Variants in SLC71A1 observed in about 807,000 individuals in gnomAD.
SLC71A1 encodes the protein hippocampus abundant gene transcript 1.
chr1:100,073,232 A>T, the SLC71A1 span, among the ~76,000 whole-genome samples: 1 of 152,224 alleles, frequency 6.6e-6, no homozygotes, highest in South Asian at 2.1e-4. Flanking sequence ...AGCCGTGGCC[A>T]TATCTTCCAT....
At chr1:100,041,876 A>G in the SLC71A1 span, among the ~76,000 whole-genome samples, 5 of 152,088 alleles carry the variant, frequency 3.3e-5, no homozygotes, top group African/African-American at 4.8e-5. Context: ...GTGAGCCTAG[A>G]TCACGCCACT....
the SLC71A1 span, among the ~76,000 whole-genome samples, chr1:100,047,722 G>A: frequency 2.0e-5 from 3 of 152,194 alleles, no homozygotes; most frequent in East Asian, 1.9e-4. Context: ...GCGCCCGGCC[G>A]ATGAATGATC....
the SLC71A1 span, among the ~76,000 whole-genome samples, chr1:100,071,403 C>T: frequency 5.3e-5 from 8 of 150,612 alleles, no homozygotes; most frequent in African/African-American, 1.5e-4. Context: ...CCTGGGAGGT[C>T]GAGGGTGCAG....
chr1:100,058,806 C>CAT, the SLC71A1 span: 12 of 739,588 alleles, frequency 1.6e-5, no homozygotes, highest in Non-Finnish European at 2.6e-5. Context: ...TACATAAATA[C>CAT]ATATATATAA....
chr1:100,051,119 G>A, the SLC71A1 span, among the ~76,000 whole-genome samples: 72 of 150,674 alleles, frequency 4.8e-4, no homozygotes, highest in Middle Eastern at 3.5e-3. Flanking sequence ...ACAGCCGGGC[G>A]CGGTGGCTCA....
At chr1:100,056,847 A>G in the SLC71A1 span, among the ~76,000 whole-genome samples, 1,594 of 152,214 alleles carry the variant, frequency 0.01, 15 homozygotes, top group Middle Eastern at 0.058. Context: ...ATCCTTGCCT[A>G]TCTTTTGGAT....
the SLC71A1 span, among the ~76,000 whole-genome samples, chr1:100,065,704 C>T: frequency 5.6e-5 from 6 of 107,266 alleles, no homozygotes; most frequent in African/African-American, 2.3e-4. Context: ...AGCCTTTTCC[C>T]TAAGCCTTTT....
At chr1:100,074,477 G>A in the SLC71A1 span, among the ~76,000 whole-genome samples, 1 of 152,058 alleles carries the variant, frequency 6.6e-6, no homozygotes, top group East Asian at 1.9e-4. Flanking sequence ...TACTCGGGAG[G>A]CTGAGGCAGG....
chr1:100,038,991 C>T, the SLC71A1 span, among the ~76,000 whole-genome samples: 1 of 152,170 alleles, frequency 6.6e-6, no homozygotes, highest in Non-Finnish European at 1.5e-5. Context: ...GTCTTAAGAT[C>T]AAAAGTATTA....
At chr1:100,058,516 GTTAT>G in the SLC71A1 span, 1 of 591,406 alleles carries the variant, frequency 1.7e-6, no homozygotes, top group South Asian at 2.0e-5. Flanking sequence ...TAAATATTTG[GTTAT>G]TAATGGTCAT....
chr1:100,076,461 C>T, the SLC71A1 span, among the ~76,000 whole-genome samples: 1 of 152,166 alleles, frequency 6.6e-6, no homozygotes, highest in African/African-American at 2.4e-5. Flanking sequence ...TGTTTATTAA[C>T]CGCTGATTAT....
At chr1:100,076,583 C>CA in the SLC71A1 span, among the ~76,000 whole-genome samples, 43 of 152,228 alleles carry the variant, frequency 2.8e-4, no homozygotes, top group African/African-American at 9.9e-4. Flanking sequence ...AAGTGAGGCT[C>CA]AAAGTGAAGT....
chr1:100,070,292 A>G, the SLC71A1 span, among the ~76,000 whole-genome samples: 1 of 152,172 alleles, frequency 6.6e-6, no homozygotes, highest in Non-Finnish European at 1.5e-5. Context: ...GAAGAAGAGA[A>G]TTTTAAACAG....
chr1:100,045,727 T>C, the SLC71A1 span, among the ~76,000 whole-genome samples: 1 of 152,138 alleles, frequency 6.6e-6, no homozygotes, highest in Non-Finnish European at 1.5e-5. Context: ...TTTTTATTTT[T>C]TGAGACAGAG....
chr1:100,040,060 G>T, the SLC71A1 span, among the ~76,000 whole-genome samples: 1 of 152,146 alleles, frequency 6.6e-6, no homozygotes, highest in Non-Finnish European at 1.5e-5. Flanking sequence ...TTTCTTGAGG[G>T]CTGTGAACAT....
the SLC71A1 span, among the ~76,000 whole-genome samples, chr1:100,053,375 T>A: frequency 1.3e-5 from 2 of 151,988 alleles, no homozygotes; most frequent in Non-Finnish European, 2.9e-5. Context: ...AACATTTCAT[T>A]TCTGTTTTAT....
At chr1:100,066,583 G>A in the SLC71A1 span, among the ~76,000 whole-genome samples, 2 of 152,142 alleles carry the variant, frequency 1.3e-5, no homozygotes, top group Non-Finnish European at 2.9e-5. Context: ...GCGTGGCCCA[G>A]GGAAGCCAAA....
chr1:100,072,922 C>T, the SLC71A1 span, among the ~76,000 whole-genome samples: 1 of 152,162 alleles, frequency 6.6e-6, no homozygotes, highest in African/African-American at 2.4e-5. Context: ...CCCACACTTA[C>T]TCTTCCAGTC....
the SLC71A1 span, chr1:100,062,168 T>A: frequency 2.4e-6 from 1 of 421,190 alleles, no homozygotes; most frequent in African/African-American, 2.1e-5. Context: ...ATAAGTCACA[T>A]GTCAGAATTG....
Sources: allele counts gnomAD v4.1 joint callset (sites outside exome capture counted in the v4.1 genomes callset), GRCh38; gene constraint gnomAD v4.1.1; transcripts MANE v1.5; gene names NCBI Gene and HGNC (gene_info 2026-07-23, HGNC 2026-07-21).